Variants in PCDH15 observed in about 807,000 individuals in gnomAD.
The protein encoded by PCDH15 is protocadherin-15.
PCDH15 carries 129 observed loss-of-function variants against 178.5 expected under a neutral mutation model. The ratio of observed to expected loss-of-function variants is 0.72; its 90% CI spans 0.63 to 0.84. The LOEUF (loss-of-function observed/expected upper bound fraction) is 0.84, where lower values mean the gene tolerates loss of function less well. Ranked by LOEUF, PCDH15 falls within the 40% of genes least tolerant of loss-of-function variation. The pLI, the probability that PCDH15 is intolerant of heterozygous loss-of-function variation, is 0.00. For missense variants in PCDH15, 2,230 were observed against 2,099.9 expected (o/e 1.06, Z -1.21); for synonymous variants, 800 against 732.0 (o/e 1.09, Z -1.50).
chr10:54,478,050 T>G (rs1013594462), intron 3 of PCDH15, among the ~76,000 whole-genome samples: 2 of 152,102 alleles, frequency 1.3e-5, no homozygotes, highest in African/African-American at 4.8e-5. Flanking sequence ...TTTATGGTGG[T>G]CAAGTTCAAA....
chr10:55,292,701 G>T (rs1014057347), intron 1 of PCDH15, among the ~76,000 whole-genome samples: 1 of 152,124 alleles, frequency 6.6e-6, no homozygotes, highest in Non-Finnish European at 1.5e-5. Context: ...AAACCTTAAA[G>T]CTCGAAAATG....
chr10:54,531,648 C>T (rs532347275), intron 2 of PCDH15, among the ~76,000 whole-genome samples: 24 of 152,188 alleles, frequency 1.6e-4, no homozygotes, highest in Admixed American at 1.0e-3. Context: ...GTTCTTTTAA[C>T]GTTGATCAAT....
intron 2 of PCDH15, among the ~76,000 whole-genome samples, chr10:55,330,657 A>G (rs1388412641): frequency 6.6e-6 from 1 of 151,954 alleles, no homozygotes; most frequent in Non-Finnish European, 1.5e-5. Context: ...ATGACCATGT[A>G]GATACTTTAG....
intron 2 of PCDH15, among the ~76,000 whole-genome samples, chr10:54,660,124 G>A (rs2094468357): frequency 6.6e-6 from 1 of 151,960 alleles, no homozygotes; most frequent in African/African-American, 2.4e-5. Flanking sequence ...CCAAACAAGA[G>A]ATTAACAAAG....
At chr10:54,689,056 G>T (rs1247141153) in intron 1 of PCDH15, among the ~76,000 whole-genome samples, 1 of 152,024 alleles carries the variant, frequency 6.6e-6, no homozygotes, top group Admixed American at 6.6e-5. Context: ...TTGGGTATCT[G>T]CTTTCTCAGT....
At chr10:53,832,129 T>C (rs1412503962) in intron 29 of PCDH15, among the ~76,000 whole-genome samples, 5 of 152,002 alleles carry the variant, frequency 3.3e-5, no homozygotes, top group Non-Finnish European at 7.4e-5. Context: ...GGTGAAGACA[T>C]TTAAAAGACC....
At chr10:54,673,125 GGTTT>G (rs1165854530) in intron 1 of PCDH15, among the ~76,000 whole-genome samples, 12 of 151,850 alleles carry the variant, frequency 7.9e-5, no homozygotes, top group Non-Finnish European at 1.6e-4. Flanking sequence ...AGAATGTGTA[GGTTT>G]GTTACGTGGG....
rs537995530 is a variant in PCDH15, at chr10:54,420,944, T to A, written c.158-42002A>T. ...GTACAGAACCATATAAATGTGATCA[T>A]TGGTAGAGATAGGCTTTAATAGGCA... is the stretch of plus-strand genomic sequence containing the variant. On this transcript the variant is annotated intron_variant, in intron 3 of 37. Coordinates refer to ENST00000644397, the MANE Select transcript of PCDH15 (RefSeq NM_001384140.1). 1.2e-4 allele frequency among the ~76,000 whole-genome samples: 19 copies of A among 152,244 alleles called. No individual in the cohort carries two copies. In the South Asian group the frequency reaches 3.9e-3, roughly 32 times the overall value.
intron 2 of PCDH15, among the ~76,000 whole-genome samples, chr10:55,374,526 C>A (rs1158853618): frequency 2.0e-5 from 3 of 151,844 alleles, no homozygotes; most frequent in Non-Finnish European, 2.9e-5. Context: ...TTGACAGATG[C>A]CAAGTAGAAT....
chr10:53,812,459 C>T (rs1486496103), intron 35 of PCDH15, among the ~76,000 whole-genome samples: 1 of 152,018 alleles, frequency 6.6e-6, no homozygotes, highest in Non-Finnish European at 1.5e-5. Context: ...GTGATCAGCC[C>T]CAATCGGCCT....
chr10:55,308,324 G>A (rs1843484642), intron 1 of PCDH15, among the ~76,000 whole-genome samples: 1 of 152,122 alleles, frequency 6.6e-6, no homozygotes, highest in Non-Finnish European at 1.5e-5. Context: ...AATGGAAGTT[G>A]GCTGTGCTGG....
chr10:54,956,431 C>T (rs1838488966), intron 2 of PCDH15, among the ~76,000 whole-genome samples: 1 of 151,370 alleles, frequency 6.6e-6, no homozygotes, highest in Non-Finnish European at 1.5e-5. Context: ...AATGTGCAAA[C>T]TCAAAACTAT....
At chr10:53,812,891 C>T (rs943371065) in intron 35 of PCDH15, among the ~76,000 whole-genome samples, 3 of 152,012 alleles carry the variant, frequency 2.0e-5, no homozygotes, top group African/African-American at 7.2e-5. Flanking sequence ...AGTAATGAGT[C>T]AGGAAATAAA....
chr10:55,295,377 C>T (rs1564978890), intron 1 of PCDH15, among the ~76,000 whole-genome samples: 1 of 152,196 alleles, frequency 6.6e-6, no homozygotes, highest in Non-Finnish European at 1.5e-5. Flanking sequence ...TTCCACAAAT[C>T]CATGCACAGA....
intron 1 of PCDH15, among the ~76,000 whole-genome samples, chr10:55,213,721 C>A: frequency 6.6e-6 from 1 of 151,132 alleles, no homozygotes; most frequent in African/African-American, 2.4e-5. Context: ...CTTTCTCATT[C>A]TTCTTAATGT....
intron 2 of PCDH15, among the ~76,000 whole-genome samples, chr10:55,390,421 C>T (rs958919147): frequency 1.3e-5 from 2 of 152,038 alleles, no homozygotes; most frequent in Non-Finnish European, 2.9e-5. Flanking sequence ...ATTGAGTATT[C>T]CTTTCACAAA....
At chr10:55,255,322 T>A (rs1037783251) in intron 1 of PCDH15, among the ~76,000 whole-genome samples, 1 of 152,248 alleles carries the variant, frequency 6.6e-6, no homozygotes, top group Non-Finnish European at 1.5e-5. Flanking sequence ...ATGGTGTGTA[T>A]GTGCCACATT....
chr10:54,835,145 T>A (rs1000017189), intron 3 of PCDH15, among the ~76,000 whole-genome samples: 53 of 152,040 alleles, frequency 3.5e-4, no homozygotes, highest in Admixed American at 3.5e-3. Context: ...AATAATATTA[T>A]GTTGAAAAGA....
At chr10:55,123,233 A>T (rs1165123431) in intron 2 of PCDH15, among the ~76,000 whole-genome samples, 1 of 152,028 alleles carries the variant, frequency 6.6e-6, no homozygotes, top group Non-Finnish European at 1.5e-5. Context: ...AGTAATTTTT[A>T]AAATAAAGTT....
Sources: allele counts gnomAD v4.1 joint callset (sites outside exome capture counted in the v4.1 genomes callset), GRCh38; gene constraint gnomAD v4.1.1; transcripts MANE v1.5; gene names NCBI Gene and HGNC (gene_info 2026-07-23, HGNC 2026-07-21).